The following FARP2 variants were observed in gnomAD, a reference collection of about 807,000 sequenced individuals.
The protein encoded by FARP2 is FERM, ARH/RhoGEF and pleckstrin domain protein 2.
Under a neutral mutation model 130.5 loss-of-function variants are expected in FARP2, and 111 were observed. The observed-to-expected ratio is 0.85, with a 90% CI of 0.73 to 1.00. The LOEUF is 1.00. Ranked by LOEUF, FARP2 falls within the 50% of genes least tolerant of loss-of-function variation. The probability of loss-of-function intolerance (pLI) is 0.00; values close to 1 mark genes in which losing one functional copy is unlikely to be tolerated. For synonymous variants in FARP2, 504 were observed against 516.9 expected (o/e 0.98, Z 0.34); for missense variants, 1,385 against 1,346.3 (o/e 1.03, Z -0.45).
chr2:241,492,531 G>T (rs1003145471), intron 24 of FARP2: 1 of 169,320 alleles, frequency 5.9e-6, no homozygotes, highest in Non-Finnish European at 1.3e-5. Context: ...TAGGGACAGG[G>T]CTGCAGTGGG....
At chr2:241,378,361 C>A (rs2061586152) in intron 2 of FARP2, among the ~76,000 whole-genome samples, 1 of 151,200 alleles carries the variant, frequency 6.6e-6, no homozygotes, top group Non-Finnish European at 1.5e-5. Flanking sequence ...TCCGCCTCCC[C>A]CCCTCGGCCT....
At chr2:241,465,432 C>T (rs779630634) in intron 17 of FARP2, 2 of 1,537,342 alleles carry the variant, frequency 1.3e-6, no homozygotes, top group Admixed American at 2.0e-5. Context: ...TCCACCTTGG[C>T]TGCTAGGCTC....
intron 8 of FARP2, among the ~76,000 whole-genome samples, chr2:241,428,988 C>T (rs1472283711): frequency 6.6e-6 from 1 of 152,208 alleles, no homozygotes; most frequent in Non-Finnish European, 1.5e-5. Context: ...CTCCTTATGG[C>T]TAAAGGGGTT....
chr2:241,456,762 G>A lies in FARP2; in HGVS notation c.1427G>A (p.Ser476Asn), dbSNP rs1313084284. 1 of 1,613,956 alleles carries A rather than the reference G, an allele frequency of 6.2e-7. No individual in the cohort carries two copies. The highest frequency in any genetic ancestry group is 8.5e-7 in the Non-Finnish European group (1 of 1,180,012). ...LQPGPGLSTK[S>N]PQPSPSSRKS... ...TCATTTCCAGGCCTTTCCACGAAGA[G>A]TCCTCAGCCTTCTCCCTCCAGCCGG... The change falls in exon 14 of 27, where the codon AGT becomes AAT. Residue 476 changes from serine to asparagine, a missense_variant. By Grantham distance (46) the Ser-to-Asn change is conservative. Coordinates refer to ENST00000264042, the MANE Select transcript of FARP2 (RefSeq NM_014808.4).
At chr2:241,486,524 C>CACT (rs60071288) in intron 21 of FARP2, among the ~76,000 whole-genome samples, 1 of 147,100 alleles carries the variant, frequency 6.8e-6, no homozygotes, top group Non-Finnish European at 1.5e-5. Flanking sequence ...ACTCTATCAT[C>CACT]GTACCCACTC....
In FARP2 at chr2:241,431,782, T is replaced by C. The variant is rs769903301; in HGVS notation, c.867+8T>C. ...CTTCATCCAGAGGTTCATGTAAGTATTATTTTCAACTTTTTATTTTTATTT... is the reference window on the plus strand; with the variant it reads ...CTTCATCCAGAGGTTCATGTAAGTACTATTTTCAACTTTTTATTTTTATTT... On this transcript the variant is annotated splice_region_variant and intron_variant, in intron 9 of 26. Transcript: ENST00000264042. 1 of 1,138,088 alleles carries C rather than the reference T, an allele frequency of 8.8e-7. No individual in the cohort carries two copies. The highest frequency in any genetic ancestry group is 1.8e-5 in the South Asian group (1 of 54,474). 70.5% of individuals were successfully genotyped at this position (1,138,088 alleles called of 1,614,324 possible).
intron 2 of FARP2, among the ~76,000 whole-genome samples, chr2:241,394,808 C>G (rs1450112145): frequency 1.3e-5 from 2 of 152,140 alleles, no homozygotes; most frequent in Non-Finnish European, 2.9e-5. Flanking sequence ...AAGGGCTCTC[C>G]CTCTCATCTG....
chr2:241,466,572 G>T (rs913442960), intron 17 of FARP2: 1 of 985,192 alleles, frequency 1.0e-6, no homozygotes. Flanking sequence ...CCCGCTAGAA[G>T]CCTAGCGAGT....
chr2:241,401,970 A>G (rs2062179779), intron 2 of FARP2, among the ~76,000 whole-genome samples: 1 of 151,982 alleles, frequency 6.6e-6, no homozygotes, highest in East Asian at 1.9e-4. Context: ...TTGTATTTTT[A>G]GTAGAGACAA....
chr2:241,361,672 G>T (rs1299666902), intron 1 of FARP2, among the ~76,000 whole-genome samples: 2 of 152,168 alleles, frequency 1.3e-5, no homozygotes, highest in Non-Finnish European at 2.9e-5. Flanking sequence ...ACCTGAGCCA[G>T]ACTAGCTCTA....
intron 2 of FARP2, among the ~76,000 whole-genome samples, chr2:241,392,274 A>G (rs1313668572): frequency 6.6e-6 from 1 of 152,220 alleles, no homozygotes; most frequent in African/African-American, 2.4e-5. Context: ...TTCTTGTTGT[A>G]TCTCCCCAGA....
At chr2:241,477,141 T>A (rs1374523118) in intron 19 of FARP2, among the ~76,000 whole-genome samples, 2 of 148,008 alleles carry the variant, frequency 1.4e-5, no homozygotes, top group African/African-American at 4.9e-5. Context: ...TTTTTTTTTT[T>A]TTTATTTGAG....
intron 13 of FARP2, among the ~76,000 whole-genome samples, chr2:241,448,484 C>G (rs1405571058): frequency 6.6e-6 from 1 of 152,194 alleles, no homozygotes; most frequent in Admixed American, 6.5e-5. Flanking sequence ...GTTTTCGGGA[C>G]CTTGCCTCCA....
intron 1 of FARP2, among the ~76,000 whole-genome samples, chr2:241,360,036 C>G (rs561884392): frequency 1.3e-5 from 2 of 152,194 alleles, no homozygotes; most frequent in Non-Finnish European, 2.9e-5. Context: ...CAGCTGCCAA[C>G]TTCCTCTCTA....
At position 241,482,441 on chromosome 2, in the gene FARP2, C is replaced by T. The variant is rs2064638908; in HGVS notation, c.2263-1024C>T. ...GGGCCAAGCAATTGCCAGCAGCTCA[C>T]AGGGACCTCGGCGTGCGGTCTCCAG... On this transcript the variant is annotated intron_variant, in intron 19 of 26. Coordinates refer to ENST00000264042, the MANE Select transcript of FARP2 (RefSeq NM_014808.4). This position sits in a 1 kb window ranked among gnomAD's most constrained non-coding sequence, Gnocchi z 4.6. Among the ~76,000 whole-genome samples, 1 of 152,170 alleles carries T rather than the reference C, an allele frequency of 6.6e-6. No individual in the cohort carries two copies. Among genetic ancestry groups the T allele is most frequent in the Non-Finnish European group, 1.5e-5 (1 of 68,024 alleles).
chr2:241,422,414 C>T (rs1196072955), intron 8 of FARP2, among the ~76,000 whole-genome samples: 2 of 148,776 alleles, frequency 1.3e-5, no homozygotes, highest in Non-Finnish European at 3.0e-5. Flanking sequence ...AAAAAAAAAA[C>T]AGAAAACAAC....
At chr2:241,411,012 T>C in intron 5 of FARP2, 21 bp from the exon 6 acceptor site, 1 of 1,506,844 alleles carries the variant, frequency 6.6e-7, no homozygotes, top group South Asian at 1.2e-5. Context: ...GATCTCTGTC[T>C]TATTTTGAAC....
At chr2:241,398,357 A>G (rs1574735189) in intron 2 of FARP2, among the ~76,000 whole-genome samples, 1 of 152,256 alleles carries the variant, frequency 6.6e-6, no homozygotes, top group East Asian at 1.9e-4. Flanking sequence ...CTTCAGGTTC[A>G]TTTAAGTATG....
Position 241,356,339 on chromosome 2 carries a change from G to A in FARP2, c.-74G>A, listed in dbSNP as rs1279700934. On this transcript the variant is annotated 5_prime_UTR_variant, in exon 1 of 27. Coordinates refer to ENST00000264042, the MANE Select transcript of FARP2 (RefSeq NM_014808.4). ...CTGGCGGCTGCTGCTTGCGACTGCG[G>A]AGGCCGGGCGAGGCCGGTGAGGACG... 2 of 152,262 alleles carry A rather than the reference G, an allele frequency of 1.3e-5. No individual in the cohort carries two copies. The highest frequency in any genetic ancestry group is 3.8e-4 in the East Asian group (2 of 5,206). The allele number at this position is 152,262 out of a possible 1,614,324, so 9.4% of individuals were successfully genotyped here.
Sources: allele counts gnomAD v4.1 joint callset (sites outside exome capture counted in the v4.1 genomes callset), GRCh38; gene constraint gnomAD v4.1.1; non-coding constraint Gnocchi (gnomAD v3.1); transcripts MANE v1.5; gene names NCBI Gene and HGNC (gene_info 2026-07-23, HGNC 2026-07-21).